TENM3: variants seen among roughly 807,000 people sequenced by gnomAD.
The protein encoded by TENM3 is teneurin transmembrane protein 3, also known as teneurin-3.
A neutral mutation model predicts 255.1 loss-of-function variants in TENM3; 63 were observed. The ratio of observed to expected loss-of-function variants is 0.25; its 90% CI spans 0.20 to 0.30. The LOEUF (loss-of-function observed/expected upper bound fraction) is 0.30. TENM3 is among the 10% of genes least tolerant of loss of function. TENM3 has a pLI of 1.00. For missense variants in TENM3, 2,929 were observed against 3,461.1 expected (o/e 0.85, Z 3.86); for synonymous variants, 1,306 against 1,322.3 (o/e 0.99, Z 0.27).
the TENM3 span, among the ~76,000 whole-genome samples, chr4:181,955,607 G>T: frequency 6.6e-6 from 1 of 152,102 alleles, no homozygotes; most frequent in Non-Finnish European, 1.5e-5. Flanking sequence ...CACATGTTGT[G>T]GGGAGGGGAG....
chr4:182,617,874 A>G (rs892819383), intron 4 of TENM3, among the ~76,000 whole-genome samples: 4 of 152,202 alleles, frequency 2.6e-5, no homozygotes, highest in African/African-American at 9.6e-5. Context: ...TTTCCTATGC[A>G]GTAGTGCCTT....
the TENM3 span, among the ~76,000 whole-genome samples, chr4:182,100,598 C>T: frequency 7.5e-5 from 9 of 120,800 alleles, no homozygotes; most frequent in African/African-American, 3.1e-4. Context: ...CACATATATA[C>T]ACATATATAC....
At chr4:182,078,517 G>T in the TENM3 span, among the ~76,000 whole-genome samples, 3 of 151,754 alleles carry the variant, frequency 2.0e-5, no homozygotes, top group African/African-American at 7.3e-5. Context: ...GCGAGACTCT[G>T]CCTCAAAAAC....
At chr4:181,766,029 C>T in the TENM3 span, among the ~76,000 whole-genome samples, 2 of 152,116 alleles carry the variant, frequency 1.3e-5, no homozygotes, top group South Asian at 4.1e-4. Context: ...CAGAAAGAAA[C>T]TTGGGAAACA....
intron 3 of TENM3, among the ~76,000 whole-genome samples, chr4:182,572,236 G>T (rs1387685588): frequency 2.0e-5 from 3 of 152,194 alleles, no homozygotes; most frequent in Admixed American, 6.5e-5. Context: ...ACTTTGTACT[G>T]ATTCTTGAGT....
rs1680336804 is a variant in TENM3, at chr4:182,772,563, T to TC, written c.4893-908dup. 7 of 151,122 alleles carry TC rather than the reference T, an allele frequency of 4.6e-5. No homozygotes were observed. In the South Asian group the frequency reaches 1.3e-3, roughly 27 times the overall value. The allele number at this position is 151,122 out of a possible 1,614,324, so 9.4% of individuals were successfully genotyped here. Reference sequence around the variant, plus strand: ...ATCCAGATTTTTGCTTTTTTTTTTTTCTTTCTTCAGACGACACCATCATTT... The same window carrying TC: ...ATCCAGATTTTTGCTTTTTTTTTTTTCCTTTCTTCAGACGACACCATCATTT... On this transcript the variant is annotated intron_variant, in intron 22 of 27. Coordinates refer to ENST00000511685, the MANE Select transcript of TENM3 (RefSeq NM_001080477.4).
intron 12 of TENM3, among the ~76,000 whole-genome samples, chr4:182,693,369 C>G (rs947201207): frequency 6.6e-6 from 1 of 151,444 alleles, no homozygotes; most frequent in Non-Finnish European, 1.5e-5. Flanking sequence ...TAGAATCTCA[C>G]TCTGTCGCCC....
At chr4:182,078,989 G>T in the TENM3 span, among the ~76,000 whole-genome samples, 2 of 152,140 alleles carry the variant, frequency 1.3e-5, no homozygotes, top group East Asian at 3.9e-4. Context: ...TCTGAAGATT[G>T]CAGCTAACAC....
intron 3 of TENM3, among the ~76,000 whole-genome samples, chr4:182,367,009 G>A (rs115187388): frequency 0.011 from 1,613 of 152,182 alleles, 36 homozygotes; most frequent in African/African-American, 0.037. Context: ...TTATAGGCTT[G>A]TAATATTGGG....
the TENM3 span, among the ~76,000 whole-genome samples, chr4:181,663,336 C>G: frequency 5.2e-4 from 79 of 152,192 alleles, no homozygotes; most frequent in Non-Finnish European, 8.1e-4. Context: ...TGCACATTCC[C>G]CTATCTAACA....
chr4:182,018,499 C>G, the TENM3 span, among the ~76,000 whole-genome samples: 2 of 152,132 alleles, frequency 1.3e-5, no homozygotes, highest in African/African-American at 4.8e-5. Context: ...GGAAAACCAG[C>G]ATTCTAATCT....
chr4:182,619,209 C>T (rs113881400), intron 4 of TENM3, among the ~76,000 whole-genome samples: 30,006 of 151,798 alleles, frequency 0.2, 3,523 homozygotes, highest in Non-Finnish European at 0.27. Flanking sequence ...AAGCGGATCA[C>T]GAGGTCAGGA....
rs750060774 is a variant in TENM3, at chr4:182,773,534, A to G, written c.4955A>G (p.His1652Arg). The G allele has an allele frequency of 6.2e-7, 1 of 1,613,948 alleles. No individual in the cohort carries two copies. Among genetic ancestry groups the G allele is most frequent in the South Asian group, 1.1e-5 (1 of 91,046 alleles). Residue 1652 changes from histidine (H) to arginine (R), a missense_variant, in exon 23 of 28, where the codon CAT (histidine) becomes CGT (arginine). His to Arg is a conservative substitution (Grantham distance 29, BLOSUM62 0). Around this residue, in one of 6 missense-constraint regions of TENM3, gnomAD observed 1,608 missense variants for 1,884.4 expected, o/e 0.85. Transcript: ENST00000511685. The stretch of plus-strand genomic sequence containing the variant: ...CCAACTGGAGTGGTCACAAACCTGC[A>G]TGGGGACATGGACAAGGCTATCACA... The part of the protein sequence containing the change: ...TFPTGVVTNL[H>R]GDMDKAITVD...
the TENM3 span, among the ~76,000 whole-genome samples, chr4:181,465,222 C>T: frequency 6.6e-6 from 1 of 150,392 alleles, no homozygotes. Context: ...ACTTAGTTTC[C>T]ATAATCATGT....
chr4:181,856,084 AAG>A, the TENM3 span, among the ~76,000 whole-genome samples: 11 of 137,528 alleles, frequency 8.0e-5, no homozygotes, highest in South Asian at 5.0e-4. Context: ...AGAAGGAAGG[AAG>A]GAAGGAAAGG....
rs79945183 is a variant in TENM3, at chr4:182,468,643, A to G, written c.511+121714A>G. ...ATGTTCCTGATGATGAAAATAAAAC[A>G]TTCCCTTGTTATGATCTGCTTTTTT... is the stretch of plus-strand genomic sequence containing the variant. On this transcript the variant is annotated intron_variant, in intron 3 of 27. Transcript: ENST00000511685. 6.9e-3 allele frequency among the ~76,000 whole-genome samples: 1,050 copies of G among 152,296 alleles called. 13 individuals carry two copies. Among genetic ancestry groups the G allele is most frequent in the African/African-American group, 0.024 (989 of 41,554 alleles).
At chr4:181,501,357 G>A in the TENM3 span, among the ~76,000 whole-genome samples, 1 of 151,472 alleles carries the variant, frequency 6.6e-6, no homozygotes, top group Admixed American at 6.6e-5. Context: ...AATGGATTGG[G>A]TTTTTTTCTT....
the TENM3 span, among the ~76,000 whole-genome samples, chr4:182,044,995 T>G: frequency 6.6e-6 from 1 of 152,232 alleles, no homozygotes; most frequent in Admixed American, 6.5e-5. Context: ...ATTACAAGTA[T>G]CTCTATGTTT....
At position 182,619,388 on chromosome 4, in the gene TENM3, G is replaced by A. The variant is rs1044594227; in HGVS notation, c.750-9263G>A. Among the ~76,000 whole-genome samples, 11 of 151,710 alleles carry A rather than the reference G, an allele frequency of 7.3e-5. 2 individuals are homozygous for A. The East Asian group carries it at 1.9e-3, about 27-fold the overall frequency. On this transcript the variant is annotated intron_variant, in intron 4 of 27. Coordinates refer to ENST00000511685, the MANE Select transcript of TENM3 (RefSeq NM_001080477.4). Reference sequence around the variant, plus strand: ...AGTGGTTGCGGTGAGCCGAGATCACGCTACTGCACTCCAGCCTGGCAACAG... The same window carrying A: ...AGTGGTTGCGGTGAGCCGAGATCACACTACTGCACTCCAGCCTGGCAACAG...
Sources: allele counts gnomAD v4.1 joint callset (sites outside exome capture counted in the v4.1 genomes callset), GRCh38; gene constraint gnomAD v4.1.1; regional missense constraint gnomAD v4.1.1; transcripts MANE v1.5; gene names NCBI Gene and HGNC (gene_info 2026-07-23, HGNC 2026-07-21).